The following MACROD2 variants were observed in gnomAD, a reference collection of about 807,000 sequenced individuals.
MACROD2 encodes mono-ADP ribosylhydrolase 2, also known as ADP-ribose glycohydrolase MACROD2.
MACROD2 carries 36 observed loss-of-function variants against 70.4 expected under a neutral mutation model. That is an observed-to-expected ratio of 0.51 (90% confidence interval 0.39 to 0.68). The LOEUF is 0.68. Among genes scored for constraint, MACROD2 ranks in the 30% least tolerant of loss-of-function variants. MACROD2 has a pLI of 0.00. For synonymous variants in MACROD2, 172 were observed against 178.8 expected (o/e 0.96, Z 0.30); for missense variants, 496 against 538.4 (o/e 0.92, Z 0.78).
intron 5 of MACROD2, among the ~76,000 whole-genome samples, chr20:15,006,203 C>T (rs2075036336): frequency 7.0e-6 from 1 of 143,028 alleles, no homozygotes; most frequent in African/African-American, 2.6e-5. Flanking sequence ...ATTATGCAAC[C>T]TTAAAAAGAG....
intron 3 of MACROD2, among the ~76,000 whole-genome samples, chr20:14,181,420 G>A (rs1254305927): frequency 2.0e-5 from 3 of 151,730 alleles, no homozygotes; most frequent in Admixed American, 2.0e-4. Flanking sequence ...GAAAATGATG[G>A]GGAACCATCA....
chr20:14,100,046 A>C (rs1312542292), intron 3 of MACROD2, among the ~76,000 whole-genome samples: 1 of 152,054 alleles, frequency 6.6e-6, no homozygotes, highest in Non-Finnish European at 1.5e-5. Flanking sequence ...GAGTTCATGA[A>C]AATACAAATG....
At chr20:15,484,983 T>C (rs542457139) in intron 7 of MACROD2, among the ~76,000 whole-genome samples, 1 of 152,272 alleles carries the variant, frequency 6.6e-6, no homozygotes, top group Admixed American at 6.5e-5. Context: ...CTTCGAAGGA[T>C]CTAAAGAAAG....
rs184597318 is a variant in MACROD2 at position 15,171,604 on chromosome 20, C to T, written c.419-58336C>T. ...TTCTTTAGCCCTTACATCCCACCATCCCACTCAGTCTCTCTTCTCTCTCTC... is the reference window on the plus strand; with the variant it reads ...TTCTTTAGCCCTTACATCCCACCATTCCACTCAGTCTCTCTTCTCTCTCTC... On this transcript the variant is annotated intron_variant, in intron 5 of 17. Transcript: ENST00000684519. Among the ~76,000 whole-genome samples the T allele has an allele frequency of 8.1e-4, 123 of 152,238 alleles. 1 individual carries two copies. The highest frequency in any genetic ancestry group is 2.5e-3 in the African/African-American group (105 of 41,544).
rs190393837 is a variant in MACROD2 at position 15,414,373 on chromosome 20, C to T, written c.541-17032C>T. Among the ~76,000 whole-genome samples the T allele has an allele frequency of 4.6e-5, 7 of 152,276 alleles. No homozygotes were observed. The East Asian group carries it at 1.4e-3, about 29-fold the overall frequency. Reference sequence around the variant, plus strand: ...ATTAGAATTTTCATTTTAACCAGATCCTCTGGTGGCTTGTCTGCACATTTA... The same window carrying T: ...ATTAGAATTTTCATTTTAACCAGATTCTCTGGTGGCTTGTCTGCACATTTA... On this transcript the variant is annotated intron_variant, in intron 6 of 17. Coordinates refer to ENST00000684519, the MANE Select transcript of MACROD2 (RefSeq NM_001351661.2).
In MACROD2 at chr20:14,326,522, C is replaced by T. The variant is rs2082738115; in HGVS notation, c.272-166957C>T. The T allele has an allele frequency of 2.5e-6, 4 of 1,613,770 alleles. No homozygotes were observed. Among genetic ancestry groups the T allele is most frequent in the African/African-American group, 1.3e-5 (1 of 74,894 alleles). On this transcript the variant is annotated intron_variant, in intron 3 of 17. Transcript: ENST00000684519. The surrounding 1 kb of genome is among the most constrained non-coding windows in gnomAD (Gnocchi z 5.5). ...GGGGCTTGGCACATGAGCCCACGCA[C>T]GTTGACCTTCACAGGTAGTGATTGT...
intron 5 of MACROD2, among the ~76,000 whole-genome samples, chr20:15,130,226 A>T (rs570197904): frequency 2.0e-5 from 3 of 152,092 alleles, no homozygotes; most frequent in African/African-American, 7.2e-5. Context: ...ATATAAAATT[A>T]AAAATCAGCA....
chr20:14,833,389 G>C (rs75319735), intron 5 of MACROD2, among the ~76,000 whole-genome samples: 18 of 152,180 alleles, frequency 1.2e-4, no homozygotes, highest in African/African-American at 4.3e-4. Context: ...AACTGTCCCT[G>C]ACAGCTGCAG....
chr20:15,057,604 A>T (rs940486833), intron 5 of MACROD2, among the ~76,000 whole-genome samples: 7 of 152,182 alleles, frequency 4.6e-5, no homozygotes, highest in African/African-American at 1.7e-4. Context: ...ACCGTATTGC[A>T]TTATGTATGT....
chr20:15,001,935 G>A (rs755497612), intron 5 of MACROD2, among the ~76,000 whole-genome samples: 12 of 150,764 alleles, frequency 8.0e-5, no homozygotes, highest in East Asian at 1.9e-4. Context: ...AGCTTAGCGC[G>A]TGTGCATGCC....
At chr20:15,503,145 AAG>A (rs1426692478) in intron 8 of MACROD2, among the ~76,000 whole-genome samples, 2 of 152,228 alleles carry the variant, frequency 1.3e-5, no homozygotes, top group Non-Finnish European at 2.9e-5. Context: ...ATATGACAAA[AAG>A]AGAAGAATCA....
intron 3 of MACROD2, among the ~76,000 whole-genome samples, chr20:14,286,271 T>A (rs1236123106): frequency 6.6e-6 from 1 of 152,198 alleles, no homozygotes; most frequent in Non-Finnish European, 1.5e-5. Context: ...CTCTCAGAAG[T>A]ATGCTGTTTT....
intron 10 of MACROD2, among the ~76,000 whole-genome samples, chr20:15,928,384 G>A (rs1477605250): frequency 6.6e-6 from 1 of 152,196 alleles, no homozygotes; most frequent in African/African-American, 2.4e-5. Context: ...CTCAATATTT[G>A]TTGTGTTCAA....
chr20:15,510,476 C>T (rs1184095638), intron 8 of MACROD2, among the ~76,000 whole-genome samples: 5 of 152,164 alleles, frequency 3.3e-5, no homozygotes, highest in African/African-American at 9.7e-5. Context: ...ACAAAAAAGG[C>T]ATTTCCCCTT....
chr20:15,390,054 T>C (rs1383878757), intron 6 of MACROD2, among the ~76,000 whole-genome samples: 1 of 152,194 alleles, frequency 6.6e-6, no homozygotes, highest in Non-Finnish European at 1.5e-5. Flanking sequence ...AGACAAGCAC[T>C]GGTTGGGTTC....
At chr20:14,568,550 C>T (rs1287884685) in intron 4 of MACROD2, among the ~76,000 whole-genome samples, 4 of 151,984 alleles carry the variant, frequency 2.6e-5, no homozygotes, top group African/African-American at 4.8e-5. Flanking sequence ...GCTCAACTTA[C>T]TCAAATAGTT....
At chr20:14,831,787 A>G (rs1286551102) in intron 5 of MACROD2, among the ~76,000 whole-genome samples, 77 of 134,500 alleles carry the variant, frequency 5.7e-4, no homozygotes, top group South Asian at 2.6e-3. Flanking sequence ...TCTCAAAAAA[A>G]AAAAAAAAAA....
At chr20:15,195,781 A>G (rs773038279) in intron 5 of MACROD2, among the ~76,000 whole-genome samples, 5 of 152,210 alleles carry the variant, frequency 3.3e-5, no homozygotes, top group Non-Finnish European at 7.3e-5. Flanking sequence ...GCATGCATGC[A>G]TATGTTCATT....
chr20:15,398,954 A>T (rs2045895183), intron 6 of MACROD2, among the ~76,000 whole-genome samples: 1 of 152,142 alleles, frequency 6.6e-6, no homozygotes, highest in African/African-American at 2.4e-5. Flanking sequence ...AATTACTATG[A>T]TTACATGTGT....
Sources: allele counts gnomAD v4.1 joint callset (sites outside exome capture counted in the v4.1 genomes callset), GRCh38; gene constraint gnomAD v4.1.1; non-coding constraint Gnocchi (gnomAD v3.1); transcripts MANE v1.5; gene names NCBI Gene and HGNC (gene_info 2026-07-23, HGNC 2026-07-21).